Variants in MAGI2 observed in about 807,000 individuals in gnomAD.
MAGI2 encodes membrane associated guanylate kinase, WW and PDZ domain containing 2.
In MAGI2, 35 loss-of-function variants were observed where a neutral mutation model predicts 133.3. The ratio of observed to expected loss-of-function variants is 0.26; its 90% CI spans 0.20 to 0.35. MAGI2 has a LOEUF of 0.35. MAGI2 is among the 10% of genes least tolerant of loss of function. MAGI2 has a pLI of 1.00. For missense variants in MAGI2, 1,636 were observed against 1,863.4 expected (o/e 0.88, Z 2.25); for synonymous variants, 729 against 710.6 (o/e 1.03, Z -0.41).
chr7:78,443,199 G>C (rs549589880), intron 6 of MAGI2, among the ~76,000 whole-genome samples: 57 of 152,186 alleles, frequency 3.7e-4, no homozygotes, highest in African/African-American at 1.3e-3. Context: ...AATGTGTTTG[G>C]GTGGAACATT....
intron 9 of MAGI2, among the ~76,000 whole-genome samples, chr7:78,312,967 TACACAC>T (rs750846388): frequency 1.3e-5 from 2 of 149,600 alleles, no homozygotes; most frequent in African/African-American, 2.4e-5. Flanking sequence ...TATATGTATA[TACACAC>T]ACACACACAC....
chr7:79,399,251 T>C (rs1845300788), intron 1 of MAGI2, among the ~76,000 whole-genome samples: 1 of 151,992 alleles, frequency 6.6e-6, no homozygotes, highest in Non-Finnish European at 1.5e-5. Flanking sequence ...CATGCTACCA[T>C]ACCTGGCTAA....
intron 4 of MAGI2, among the ~76,000 whole-genome samples, chr7:78,511,371 A>G (rs2150557148): frequency 6.6e-6 from 1 of 152,022 alleles, no homozygotes; most frequent in Non-Finnish European, 1.5e-5. Flanking sequence ...CACGCATTCT[A>G]CACAGTCAGT....
intron 1 of MAGI2, among the ~76,000 whole-genome samples, chr7:79,240,252 C>G (rs56388385): frequency 4.6e-5 from 7 of 150,636 alleles, no homozygotes; most frequent in African/African-American, 1.7e-4. Flanking sequence ...GGACTGTCTT[C>G]TAGGCAGAGG....
chr7:78,909,117 G>GAAAAA (rs377390532), intron 2 of MAGI2, among the ~76,000 whole-genome samples: 26 of 110,484 alleles, frequency 2.4e-4, no homozygotes, highest in South Asian at 5.6e-4. Flanking sequence ...AAATGTACAA[G>GAAAAA]AAAAAAAAAA....
chr7:78,400,953 GC>G (rs1456556729), intron 6 of MAGI2, among the ~76,000 whole-genome samples: 2 of 151,834 alleles, frequency 1.3e-5, no homozygotes, highest in African/African-American at 2.4e-5. Context: ...GTAAACCAGG[GC>G]ATAAGACTAG....
intron 18 of MAGI2, among the ~76,000 whole-genome samples, chr7:78,130,763 T>C (rs1180672069): frequency 6.6e-6 from 1 of 152,210 alleles, no homozygotes; most frequent in Non-Finnish European, 1.5e-5. Context: ...ACCTTAGAAC[T>C]CTGGGCAAAT....
intron 2 of MAGI2, among the ~76,000 whole-genome samples, chr7:78,927,881 G>A (rs746234907): frequency 1.3e-4 from 19 of 151,954 alleles, no homozygotes; most frequent in Admixed American, 3.9e-4. Context: ...TCATATTCCT[G>A]TTTGTTTATG....
intron 6 of MAGI2, among the ~76,000 whole-genome samples, chr7:78,387,711 G>A (rs1795513983): frequency 6.6e-6 from 1 of 152,132 alleles, no homozygotes; most frequent in South Asian, 2.1e-4. Flanking sequence ...CAGATTGCTT[G>A]AGCCCAGGAG....
In MAGI2 at chr7:78,543,575, C is replaced by A. The variant is rs376518665; in HGVS notation, c.539-21930G>T. 1.2e-4 allele frequency among the ~76,000 whole-genome samples: 19 copies of A among 152,296 alleles called. No individual in the cohort carries two copies. In the South Asian group the frequency reaches 3.9e-3, roughly 32 times the overall value. ...ACTCTCTCCATAGAAAAGGGCAAAT[C>A]CTTAGTAATTTAGATGATTACCTCA... On this transcript the variant is annotated intron_variant, in intron 3 of 21. Transcript: ENST00000354212.
At chr7:78,516,448 G>T (rs953495748) in intron 4 of MAGI2, among the ~76,000 whole-genome samples, 8 of 152,104 alleles carry the variant, frequency 5.3e-5, no homozygotes, top group African/African-American at 1.9e-4. Context: ...ACCTTCCTGG[G>T]CTCAAGTGAT....
chr7:78,929,409 A>T (rs1179108850), intron 2 of MAGI2, among the ~76,000 whole-genome samples: 1 of 152,104 alleles, frequency 6.6e-6, no homozygotes. Flanking sequence ...TAAAAAAGTG[A>T]TAGCATAAAA....
chr7:78,931,196 T>C (rs754370207), intron 2 of MAGI2, among the ~76,000 whole-genome samples: 7 of 152,124 alleles, frequency 4.6e-5, no homozygotes, highest in African/African-American at 7.2e-5. Flanking sequence ...GTCATTCTTA[T>C]AGGTAGTTGC....
chr7:78,077,589 C>T lies in MAGI2; in HGVS notation c.3706+1358G>A, dbSNP rs557187023. Among the ~76,000 whole-genome samples the T allele has an allele frequency of 9.5e-4, 139 of 146,384 alleles. No individual in the cohort carries two copies. The South Asian group carries it at 0.017, about 18-fold the overall frequency. The stretch of plus-strand genomic sequence containing the variant: ...GGGGTGCACAAGATGCTGGAAACAA[C>T]GCATTTAAGGTCTTTGAGTTTAGAT... On this transcript the variant is annotated intron_variant, in intron 21 of 21. Coordinates refer to ENST00000354212, the MANE Select transcript of MAGI2 (RefSeq NM_012301.4).
chr7:78,130,060 C>T (rs1164651917), intron 18 of MAGI2, among the ~76,000 whole-genome samples: 1 of 151,148 alleles, frequency 6.6e-6, no homozygotes, highest in African/African-American at 2.4e-5. Flanking sequence ...CTGCAAATAT[C>T]AATTGCCCTT....
At chr7:79,317,544 C>T (rs1033629184) in intron 1 of MAGI2, among the ~76,000 whole-genome samples, 1 of 152,130 alleles carries the variant, frequency 6.6e-6, no homozygotes, top group African/African-American at 2.4e-5. Flanking sequence ...TATATTTCAT[C>T]AGGGATATCA....
chr7:79,171,770 A>ATATATATATATATATTTTTT, intron 1 of MAGI2, among the ~76,000 whole-genome samples: 55 of 31,174 alleles, frequency 1.8e-3, no homozygotes, highest in Non-Finnish European at 3.7e-3. Context: ...ATATATATAT[A>ATATATATATATATATTTTTT]TTTTTTTTTT....
chr7:78,573,761 T>G (rs578150144), intron 3 of MAGI2, among the ~76,000 whole-genome samples: 1 of 152,126 alleles, frequency 6.6e-6, no homozygotes, highest in South Asian at 2.1e-4. Context: ...ACTGATGGGT[T>G]TCACTGCACA....
chr7:78,507,243 T>C (rs1795167961), intron 4 of MAGI2, among the ~76,000 whole-genome samples: 1 of 152,070 alleles, frequency 6.6e-6, no homozygotes. Context: ...TCCATAACAT[T>C]CCCATATTTA....
Sources: allele counts gnomAD v4.1 joint callset (sites outside exome capture counted in the v4.1 genomes callset), GRCh38; gene constraint gnomAD v4.1.1; transcripts MANE v1.5; gene names NCBI Gene and HGNC (gene_info 2026-07-23, HGNC 2026-07-21).